Variants in COL6A6 observed in about 807,000 individuals in gnomAD.
COL6A6 encodes the protein collagen type VI alpha 6 chain, also known as collagen alpha-6(VI) chain.
A neutral mutation model predicts 208.6 loss-of-function variants in COL6A6; 183 were observed. That is an observed-to-expected ratio of 0.88 (90% CI 0.78 to 0.99). The LOEUF is 0.99. COL6A6 is among the 50% of genes least tolerant of loss of function. COL6A6 has a pLI of 0.00. For missense variants in COL6A6, 2,816 were observed against 2,815.2 expected, an observed-to-expected ratio of 1.00 and a Z score of -0.01; for synonymous variants, 973 against 1,011.8, an observed-to-expected ratio of 0.96 and a Z score of 0.73.
intron 23 of COL6A6, among the ~76,000 whole-genome samples, chr3:130,613,682 C>G (rs1457604796): frequency 1.3e-5 from 2 of 152,122 alleles, no homozygotes; most frequent in African/African-American, 4.8e-5. Flanking sequence ...TCTCTGCTTT[C>G]TTTGAGCAGT....
rs544537355 is a variant in COL6A6, at chr3:130,529,266, A to G, written c.-32+11869A>G. ...GGGGGAAAAACACAGCAGGAAATGT[A>G]CAAAAACACAGCAGGAAATGTAAAA... is the stretch of plus-strand genomic sequence containing the variant. On this transcript the variant is annotated intron_variant, in intron 1 of 36. Coordinates refer to ENST00000358511, the MANE Select transcript of COL6A6 (RefSeq NM_001102608.3). Among the ~76,000 whole-genome samples, 5 of 150,432 alleles carry G rather than the reference A, an allele frequency of 3.3e-5. No individual in the cohort carries two copies. In the East Asian group the frequency reaches 7.8e-4, roughly 23 times the overall value.
chr3:130,534,384 G>T (rs1188679404), intron 1 of COL6A6, among the ~76,000 whole-genome samples: 3 of 152,132 alleles, frequency 2.0e-5, no homozygotes, highest in Non-Finnish European at 4.4e-5. Context: ...TTGATTCATA[G>T]ATTAAATATA....
intron 11 of COL6A6, among the ~76,000 whole-genome samples, chr3:130,587,529 A>G (rs924723035): frequency 3.3e-5 from 5 of 152,248 alleles, no homozygotes; most frequent in African/African-American, 9.6e-5. Flanking sequence ...TAATGCCTGT[A>G]TAAGATGTAT....
intron 1 of COL6A6, among the ~76,000 whole-genome samples, chr3:130,518,344 A>G (rs1423347375): frequency 6.6e-6 from 1 of 152,226 alleles, no homozygotes; most frequent in Non-Finnish European, 1.5e-5. Flanking sequence ...AAACTAATCT[A>G]TTTAATGAGT....
At chr3:130,609,991 A>C (rs893640991) in intron 22 of COL6A6, among the ~76,000 whole-genome samples, 9 of 149,932 alleles carry the variant, frequency 6.0e-5, no homozygotes, top group Non-Finnish European at 1.2e-4. Context: ...TCAAGCGAGA[A>C]ATAGTTGCCA....
At chr3:130,539,853 G>A (rs143335059) in intron 1 of COL6A6, among the ~76,000 whole-genome samples, 2 of 152,108 alleles carry the variant, frequency 1.3e-5, no homozygotes, top group African/African-American at 4.8e-5. Context: ...AAATGAACTG[G>A]AGGCTTAATT....
intron 1 of COL6A6, among the ~76,000 whole-genome samples, chr3:130,559,303 T>C (rs2062830027): frequency 1.3e-5 from 2 of 152,200 alleles, no homozygotes; most frequent in African/African-American, 2.4e-5. Context: ...ACAACTTGAA[T>C]AGAACTAATA....
intron 8 of COL6A6, among the ~76,000 whole-genome samples, chr3:130,579,000 A>G (rs2063358324): frequency 6.6e-6 from 1 of 152,202 alleles, no homozygotes; most frequent in African/African-American, 2.4e-5. Context: ...AGTCTCTAAC[A>G]GTCCCTAGCT....
intron 10 of COL6A6, among the ~76,000 whole-genome samples, chr3:130,583,874 G>A (rs1000942917): frequency 1.3e-5 from 2 of 152,118 alleles, no homozygotes. Flanking sequence ...TTGGTGCTGG[G>A]CCCTATGATC....
intron 1 of COL6A6, among the ~76,000 whole-genome samples, chr3:130,535,795 T>G (rs551014765): frequency 6.6e-6 from 1 of 152,330 alleles, no homozygotes; most frequent in East Asian, 1.9e-4. Context: ...CTTCTAAGTT[T>G]CTTATCTATG....
chr3:130,609,044 C>T, intron 22 of COL6A6, 80 bp downstream of exon 22: 1 of 999,526 alleles, frequency 1.0e-6, no homozygotes, highest in Non-Finnish European at 1.5e-6. Context: ...TGATAGAAAC[C>T]TTCAAATCTC....
rs576368952 is a variant in COL6A6, at chr3:130,549,098, A to G, written c.-31-11236A>G. Among the ~76,000 whole-genome samples the G allele has an allele frequency of 2.0e-5, 3 of 152,338 alleles. No homozygotes were observed. The South Asian group carries it at 6.2e-4, about 32-fold the overall frequency. ...ATTAACTTTAGTTGTTTCTAATGCT[A>G]TAAAAAGGATATTATGCTCTATGTA... On this transcript the variant is annotated intron_variant, in intron 1 of 36. Transcript: ENST00000358511.
At chr3:130,664,758 A>C (rs1300312167) in intron 35 of COL6A6, among the ~76,000 whole-genome samples, 1 of 152,228 alleles carries the variant, frequency 6.6e-6, no homozygotes, top group Non-Finnish European at 1.5e-5. Context: ...GACCCGCTTT[A>C]GCAGCTAAGA....
chr3:130,675,250 G>A lies in COL6A6; in HGVS notation c.6645G>A (p.Gln2215=). Residue 2215 remains glutamine (Q), a synonymous_variant, in exon 37 of 37, where the codon CAG becomes CAA. Transcript: ENST00000358511. ...CTACCCTCAAAGAAGATGTATTACA[G>A]AAGGCAAAATTCTTTCAAGATAAAA... ...LKATLKEDVL[Q]KAKFFQDKKY... 6.3e-7 allele frequency: 1 copy of A among 1,587,790 alleles called. No homozygotes were observed. The highest frequency in any genetic ancestry group is 8.6e-7 in the Non-Finnish European group (1 of 1,165,830).
chr3:130,665,563 C>T (rs1268872648), intron 36 of COL6A6, among the ~76,000 whole-genome samples: 1 of 152,086 alleles, frequency 6.6e-6, no homozygotes, highest in Non-Finnish European at 1.5e-5. Flanking sequence ...GATGGGATTC[C>T]CACTGGCCTA....
intron 33 of COL6A6, among the ~76,000 whole-genome samples, chr3:130,656,114 G>A (rs2065782452): frequency 6.6e-6 from 1 of 152,198 alleles, no homozygotes; most frequent in African/African-American, 2.4e-5. Context: ...TCCTAGGTCT[G>A]GGCTCCCCAG....
intron 23 of COL6A6, among the ~76,000 whole-genome samples, chr3:130,614,124 A>C (rs1163225393): frequency 6.6e-6 from 1 of 152,188 alleles, no homozygotes; most frequent in Non-Finnish European, 1.5e-5. Flanking sequence ...GCTTTTGCCT[A>C]TTCAGTATGA....
At chr3:130,589,284 C>G in intron 12 of COL6A6, 102 bp downstream of exon 12, 1 of 691,930 alleles carries the variant, frequency 1.4e-6, no homozygotes, top group Admixed American at 2.7e-5. Flanking sequence ...CTAAATAGAG[C>G]CTCTTATATA....
intron 1 of COL6A6, among the ~76,000 whole-genome samples, chr3:130,529,236 T>A (rs2062028675): frequency 3.0e-5 from 4 of 132,120 alleles, no homozygotes; most frequent in Admixed American, 2.6e-4. Context: ...TAGCTTTCAA[T>A]GAAGGGGGGA....
Sources: allele counts gnomAD v4.1 joint callset (sites outside exome capture counted in the v4.1 genomes callset), GRCh38; gene constraint gnomAD v4.1.1; transcripts MANE v1.5; gene names NCBI Gene and HGNC (gene_info 2026-07-23, HGNC 2026-07-21).